AGAP1: variants seen among roughly 807,000 people sequenced by gnomAD.
The protein encoded by AGAP1 is ArfGAP with GTPase domain, ankyrin repeat and PH domain 1.
Under a neutral mutation model 105.3 loss-of-function variants are expected in AGAP1, and 29 were observed. The ratio of observed to expected loss-of-function variants is 0.28; its 90% CI spans 0.21 to 0.38. The LOEUF (loss-of-function observed/expected upper bound fraction) is 0.38, where lower values mean the gene tolerates loss of function less well. AGAP1 is among the 10% of genes least tolerant of loss of function. AGAP1 has a pLI of 1.00. For synonymous variants in AGAP1, 509 were observed against 485.9 expected, an observed-to-expected ratio of 1.05 and a Z score of -0.63; for missense variants, 998 against 1,165.1, an observed-to-expected ratio of 0.86 and a Z score of 2.09.
At chr2:235,575,950 G>A (rs1574883473) in intron 1 of AGAP1, among the ~76,000 whole-genome samples, 1 of 152,286 alleles carries the variant, frequency 6.6e-6, no homozygotes. Flanking sequence ...AAAAAAAGTG[G>A]CATTTTTATG....
intron 9 of AGAP1, among the ~76,000 whole-genome samples, chr2:235,847,039 C>T (rs1289706702): frequency 6.6e-6 from 1 of 152,130 alleles, no homozygotes; most frequent in Non-Finnish European, 1.5e-5. Flanking sequence ...GAGCAAAATG[C>T]TAGGAGGGTG....
intron 9 of AGAP1, among the ~76,000 whole-genome samples, chr2:235,834,613 C>T (rs1381622222): frequency 1.3e-5 from 2 of 152,144 alleles, no homozygotes; most frequent in Non-Finnish European, 2.9e-5. Context: ...TTTTGGGTAC[C>T]ATCCACTGGA....
Position 235,893,316 on chromosome 2 carries a change from GTGTCTGTGGCATGGGTGTGGCT to G in AGAP1, c.1155+9877_1155+9898del, listed in dbSNP as rs1370803989. On this transcript the variant is annotated intron_variant, in intron 10 of 17. Transcript: ENST00000304032. The surrounding 1 kb of genome is among the most constrained non-coding windows in gnomAD (Gnocchi z 4.7). ...AGCGTGTCTGTGGCGCAGGTGTGCC[GTGTCTGTGGCATGGGTGTGGCT>G]TGTCTGTGGTGTGGGTGTGCCGTGT... 1.3e-5 allele frequency among the ~76,000 whole-genome samples: 2 copies of G among 151,276 alleles called. No homozygotes were observed. The highest frequency in any genetic ancestry group is 3.0e-5 in the Non-Finnish European group (2 of 67,790).
At position 236,027,310 on chromosome 2, in the gene AGAP1, G is replaced by C. The variant is rs1243047449; in HGVS notation, c.1646-9251G>C. Among the ~76,000 whole-genome samples the C allele has an allele frequency of 1.3e-5, 2 of 152,140 alleles. No homozygotes were observed. The highest frequency in any genetic ancestry group is 4.8e-5 in the African/African-American group (2 of 41,440). On this transcript the variant is annotated intron_variant, in intron 13 of 17. Transcript: ENST00000304032. The surrounding 1 kb of genome is among the most constrained non-coding windows in gnomAD (Gnocchi z 4.4). ...GAAACACATGGGCCTAGCATAGCTG[G>C]ATTCCACTCGGCAGTGTTGGTGTAG...
At chr2:235,624,694 G>A (rs750921366) in intron 1 of AGAP1, among the ~76,000 whole-genome samples, 7 of 152,112 alleles carry the variant, frequency 4.6e-5, no homozygotes, top group African/African-American at 1.4e-4. Context: ...ATCATTGCAG[G>A]TGATAGGGTT....
rs576239485 is a variant in AGAP1 at position 235,983,451 on chromosome 2, T to C, written c.1645+14828T>C. Among the ~76,000 whole-genome samples the C allele has an allele frequency of 2.0e-5, 3 of 152,340 alleles. No homozygotes were observed. In the South Asian group the frequency reaches 6.2e-4, roughly 32 times the overall value. On this transcript the variant is annotated intron_variant, in intron 13 of 17. Coordinates refer to ENST00000304032, the MANE Select transcript of AGAP1 (RefSeq NM_001037131.3). This position sits in a 1 kb window ranked among gnomAD's most constrained non-coding sequence, Gnocchi z 4.5. ...TTTCCTGTAAGACTGTCCTTGCTTC[T>C]CTTGTTTAATTTCTTTTTTCTTCTT...
At chr2:236,074,061 G>T (rs959623381) in intron 16 of AGAP1, among the ~76,000 whole-genome samples, 6 of 152,240 alleles carry the variant, frequency 3.9e-5, no homozygotes, top group Admixed American at 6.5e-5. Context: ...GTGGTGGGGG[G>T]CTGGGGAGCC....
intron 9 of AGAP1, among the ~76,000 whole-genome samples, chr2:235,857,192 C>T (rs572273267): frequency 3.0e-4 from 45 of 152,240 alleles, no homozygotes; most frequent in African/African-American, 8.9e-4. Context: ...CGCTGCCTCC[C>T]GTCAGATCAG....
At position 235,777,441 on chromosome 2, in the gene AGAP1, C is replaced by T. The variant is rs149390903; in HGVS notation, c.674-20318C>T. On this transcript the variant is annotated intron_variant, in intron 6 of 17. Coordinates refer to ENST00000304032, the MANE Select transcript of AGAP1 (RefSeq NM_001037131.3). The surrounding 1 kb of genome is among the most constrained non-coding windows in gnomAD (Gnocchi z 5.1). ...CAGAAGAAGAATTACAGGTGTGAAG[C>T]GCCCGTGTGGGGCTGATTCCCACCT... Among the ~76,000 whole-genome samples, 329 of 152,338 alleles carry T rather than the reference C, an allele frequency of 2.2e-3. No homozygotes were observed. Among genetic ancestry groups the T allele is most frequent in the African/African-American group, 7.3e-3 (305 of 41,584 alleles).
intron 9 of AGAP1, among the ~76,000 whole-genome samples, chr2:235,836,854 G>A (rs537298736): frequency 8.6e-4 from 131 of 152,332 alleles, no homozygotes; most frequent in African/African-American, 3.0e-3. Flanking sequence ...CAGAACAGGA[G>A]GAACGGGTTA....
At position 235,882,492 on chromosome 2, in the gene AGAP1, AT is replaced by A; in HGVS notation, c.1051-849del. The stretch of plus-strand genomic sequence containing the variant: ...TCCCCCCACGTCTGGTTTGTCTGCC[AT>A]TTTCTTAAAACAATCGGTACCATCC... On this transcript the variant is annotated intron_variant, in intron 9 of 17. Transcript: ENST00000304032. This position sits in a 1 kb window ranked among gnomAD's most constrained non-coding sequence, Gnocchi z 4.6. The A allele has an allele frequency of 6.5e-7, 1 of 1,533,346 alleles. No individual in the cohort carries two copies. Among genetic ancestry groups the A allele is most frequent in the Non-Finnish European group, 9.0e-7 (1 of 1,114,094 alleles). 95.0% of individuals were successfully genotyped at this position (1,533,346 alleles called of 1,614,324 possible). A position where few individuals can be genotyped will look rare whatever the true frequency, so the allele number is the denominator to read the frequency against.
intron 6 of AGAP1, among the ~76,000 whole-genome samples, chr2:235,780,478 T>C (rs10184048): frequency 0.039 from 5,941 of 152,250 alleles, 382 homozygotes; most frequent in African/African-American, 0.13. Context: ...GTAAATCAGC[T>C]TTAGTGCAGC....
In AGAP1 at chr2:235,622,817, T is replaced by C. The variant is rs1357236986; in HGVS notation, c.164-86362T>C. 6.6e-6 allele frequency among the ~76,000 whole-genome samples: 1 copy of C among 152,096 alleles called. No individual in the cohort carries two copies. The highest frequency in any genetic ancestry group is 6.6e-5 in the Admixed American group (1 of 15,252). ...TGAGACTTCAGGGCAGGCACACATGTCGCTTCCTGCACCCACACTGGACAG... is the reference window on the plus strand; with the variant it reads ...TGAGACTTCAGGGCAGGCACACATGCCGCTTCCTGCACCCACACTGGACAG... On this transcript the variant is annotated intron_variant, in intron 1 of 17. Transcript: ENST00000304032. This position sits in a 1 kb window ranked among gnomAD's most constrained non-coding sequence, Gnocchi z 5.0.
At chr2:235,510,358 A>C (rs77255953) in intron 1 of AGAP1, among the ~76,000 whole-genome samples, 5,135 of 152,282 alleles carry the variant, frequency 0.034, 118 homozygotes, top group Middle Eastern at 0.16. Flanking sequence ...AGGGTCATTC[A>C]AGTTGTTACA....
In AGAP1 at chr2:235,615,920, C is replaced by T. The variant is rs1476540454; in HGVS notation, c.164-93259C>T. Among the ~76,000 whole-genome samples the T allele has an allele frequency of 6.6e-6, 1 of 152,038 alleles. No individual in the cohort carries two copies. Among genetic ancestry groups the T allele is most frequent in the Non-Finnish European group, 1.5e-5 (1 of 68,008 alleles). ...TGTATTACATATAGAGCATTGTCTT[C>T]TATATGTAAAGAGTTCTTATAAAAC... is the stretch of plus-strand genomic sequence containing the variant. On this transcript the variant is annotated intron_variant, in intron 1 of 17. Coordinates refer to ENST00000304032, the MANE Select transcript of AGAP1 (RefSeq NM_001037131.3). The surrounding 1 kb of genome is among the most constrained non-coding windows in gnomAD (Gnocchi z 5.0).
chr2:235,954,544 C>T (rs1227388298), intron 12 of AGAP1, among the ~76,000 whole-genome samples: 5 of 148,438 alleles, frequency 3.4e-5, no homozygotes, highest in Non-Finnish European at 5.9e-5. Flanking sequence ...TCGTATGTTA[C>T]GGTTCTGTGT....
intron 1 of AGAP1, among the ~76,000 whole-genome samples, chr2:235,560,807 A>C (rs1944124304): frequency 6.6e-6 from 1 of 152,146 alleles, no homozygotes; most frequent in Non-Finnish European, 1.5e-5. Context: ...GTTCTAAACC[A>C]GTCAGCTGAG....
intron 9 of AGAP1, among the ~76,000 whole-genome samples, chr2:235,825,756 C>T (rs971431266): frequency 1.3e-5 from 2 of 152,118 alleles, no homozygotes; most frequent in African/African-American, 4.8e-5. Flanking sequence ...TGTTAAAACC[C>T]TCTCTAGGTC....
chr2:235,568,281 G>A (rs1232981092), intron 1 of AGAP1, among the ~76,000 whole-genome samples: 4 of 152,228 alleles, frequency 2.6e-5, no homozygotes, highest in African/African-American at 9.6e-5. Context: ...AGGTTGATGA[G>A]CAGCTCTGTG....
Sources: allele counts gnomAD v4.1 joint callset (sites outside exome capture counted in the v4.1 genomes callset), GRCh38; gene constraint gnomAD v4.1.1; non-coding constraint Gnocchi (gnomAD v3.1); transcripts MANE v1.5; gene names NCBI Gene and HGNC (gene_info 2026-07-23, HGNC 2026-07-21).